Variants in ASIC2 observed in about 807,000 individuals in gnomAD.
ASIC2 encodes acid-sensing ion channel 2.
In ASIC2, 25 loss-of-function variants were observed where a neutral mutation model predicts 57.3. The observed-to-expected ratio is 0.44, with a 90% CI of 0.32 to 0.61. The LOEUF (loss-of-function observed/expected upper bound fraction) is 0.61. ASIC2 is among the 20% of genes least tolerant of loss of function. The probability of loss-of-function intolerance (pLI) is 0.06; values close to 1 mark genes in which losing one functional copy is unlikely to be tolerated. For missense variants in ASIC2, 641 were observed against 738.1 expected, an observed-to-expected ratio of 0.87 and a Z score of 1.52; for synonymous variants, 319 against 307.5, an observed-to-expected ratio of 1.04 and a Z score of -0.39.
At chr17:33,966,059 A>G (rs1279766567) in intron 1 of ASIC2, among the ~76,000 whole-genome samples, 2 of 152,214 alleles carry the variant, frequency 1.3e-5, no homozygotes, top group Non-Finnish European at 2.9e-5. Context: ...GCCCCTGTAC[A>G]TGGGCTATTG....
chr17:33,333,367 T>C (rs1467276779), intron 1 of ASIC2, among the ~76,000 whole-genome samples: 1 of 152,246 alleles, frequency 6.6e-6, no homozygotes, highest in Non-Finnish European at 1.5e-5. Context: ...AGTGTTCATA[T>C]GATGATTCCA....
Position 33,521,247 on chromosome 17 carries a change from C to T in ASIC2, c.556-409180G>A, listed in dbSNP as rs577752730. Among the ~76,000 whole-genome samples the T allele has an allele frequency of 2.0e-4, 30 of 152,158 alleles. 1 individual carries two copies. The highest frequency in any genetic ancestry group is 1.8e-3 in the Admixed American group (27 of 15,276). On this transcript the variant is annotated intron_variant, in intron 1 of 9. Transcript: ENST00000359872. ...GTAAGCAGGGGCTCAACACTGTCGT[C>T]GGCCAAGGGGTATCTTTTGAAGGAT...
chr17:34,020,045 C>G (rs1567790128), intron 1 of ASIC2, among the ~76,000 whole-genome samples: 1 of 152,202 alleles, frequency 6.6e-6, no homozygotes, highest in Non-Finnish European at 1.5e-5. Context: ...CCAAAGGAAG[C>G]CCCAAAGTGA....
intron 1 of ASIC2, among the ~76,000 whole-genome samples, chr17:33,536,427 C>T (rs189961128): frequency 1.4e-4 from 22 of 152,302 alleles, no homozygotes; most frequent in Middle Eastern, 6.8e-3. Flanking sequence ...AAGTTTTAGG[C>T]GGCCCATGGT....
intron 1 of ASIC2, among the ~76,000 whole-genome samples, chr17:33,480,400 G>C (rs535845549): frequency 3.2e-4 from 49 of 152,182 alleles, no homozygotes; most frequent in Non-Finnish European, 4.9e-4. Context: ...GGACAGGAAG[G>C]AGCCACACAA....
rs967221080 is a variant in ASIC2 at position 34,119,801 on chromosome 17, T to C, written c.555+36177A>G. 7.2e-5 allele frequency among the ~76,000 whole-genome samples: 11 copies of C among 152,224 alleles called. 1 individual carries two copies. Among genetic ancestry groups the C allele is most frequent in the African/African-American group, 1.9e-4 (8 of 41,454 alleles). The stretch of plus-strand genomic sequence containing the variant: ...CAGCCACAATTCCCGTCTGTTATGA[T>C]TGTAAACTCTGAGGATGGGATTTGT... On this transcript the variant is annotated intron_variant, in intron 1 of 9. Transcript: ENST00000359872.
intron 3 of ASIC2, among the ~76,000 whole-genome samples, chr17:33,061,591 G>A (rs1229474743): frequency 1.3e-5 from 2 of 152,070 alleles, no homozygotes; most frequent in African/African-American, 2.4e-5. Context: ...TTTTTGCATC[G>A]ATGTTCATCA....
chr17:33,433,156 C>T (rs1166927227), intron 1 of ASIC2, among the ~76,000 whole-genome samples: 11 of 152,062 alleles, frequency 7.2e-5, no homozygotes. Context: ...AACCTAAATG[C>T]CCATCAATAG....
At chr17:33,191,141 G>C (rs190179573) in intron 1 of ASIC2, among the ~76,000 whole-genome samples, 1 of 152,146 alleles carries the variant, frequency 6.6e-6, no homozygotes, top group African/African-American at 2.4e-5. Context: ...ATATGTCTCA[G>C]CAATAAAAAG....
chr17:33,335,451 AAGC>A (rs1170769335), intron 1 of ASIC2, among the ~76,000 whole-genome samples: 9 of 152,232 alleles, frequency 5.9e-5, no homozygotes, highest in African/African-American at 2.2e-4. Context: ...TAGATCATCT[AAGC>A]AGCACAGGGA....
intron 1 of ASIC2, among the ~76,000 whole-genome samples, chr17:33,726,436 C>T (rs1909562913): frequency 1.3e-5 from 2 of 152,172 alleles, no homozygotes. Context: ...GTTTGTGTTT[C>T]CTTGCATGTT....
chr17:33,249,794 C>T (rs759551391), intron 1 of ASIC2, among the ~76,000 whole-genome samples: 1 of 152,086 alleles, frequency 6.6e-6, no homozygotes, highest in Admixed American at 6.5e-5. Context: ...AAAGGCAGGG[C>T]GGGTGGGGAA....
intron 1 of ASIC2, among the ~76,000 whole-genome samples, chr17:33,969,713 C>G (rs73276658): frequency 0.025 from 3,837 of 152,212 alleles, 128 homozygotes; most frequent in African/African-American, 0.068. Flanking sequence ...GAGGGCCATT[C>G]CTGGGGGCAG....
At position 33,190,006 on chromosome 17, in the gene ASIC2, T is replaced by C. The variant is rs144703581; in HGVS notation, c.709-77939A>G. Among the ~76,000 whole-genome samples, 5 of 152,220 alleles carry C rather than the reference T, an allele frequency of 3.3e-5. No individual in the cohort carries two copies. In the East Asian group the frequency reaches 9.7e-4, roughly 29 times the overall value. On this transcript the variant is annotated intron_variant, in intron 1 of 9. Coordinates refer to ENST00000225823, the MANE Select transcript of ASIC2 (RefSeq NM_183377.2). ...ACAAAGTGTCTGCTCTCACCACATG[T>C]ATTCAGCATTGTAGCAAAGGTCCTA...
intron 3 of ASIC2, among the ~76,000 whole-genome samples, chr17:33,032,754 T>C (rs1417742090): frequency 6.6e-6 from 1 of 152,206 alleles, no homozygotes; most frequent in South Asian, 2.1e-4. Flanking sequence ...GGTCACACTG[T>C]TAATATTATT....
At chr17:33,130,507 A>C (rs962185651) in intron 1 of ASIC2, among the ~76,000 whole-genome samples, 1 of 152,220 alleles carries the variant, frequency 6.6e-6, no homozygotes, top group Non-Finnish European at 1.5e-5. Flanking sequence ...AACAATTTTG[A>C]TTGTCAGTTG....
chr17:34,118,186 T>C (rs1911484752), intron 1 of ASIC2, among the ~76,000 whole-genome samples: 1 of 152,200 alleles, frequency 6.6e-6, no homozygotes, highest in Admixed American at 6.5e-5. Flanking sequence ...TTACTTAATT[T>C]TTCTAAGCCT....
Position 34,156,239 on chromosome 17 carries a change from C to T in ASIC2, c.294G>A (p.Arg98=), listed in dbSNP as rs765384536. ...GGTCATTGGTGGTGAGCCTGGAGAACCGGAAGCCATTCAGGTTACAGAGGG... is the reference window on the plus strand; with the variant it reads ...GGTCATTGGTGGTGAGCCTGGAGAATCGGAAGCCATTCAGGTTACAGAGGG... The change falls in exon 1 of 10, where the codon CGG becomes CGA. Residue 98 remains arginine (R), a synonymous_variant. Transcript: ENST00000359872. The surrounding 1 kb of genome is among the most constrained non-coding windows in gnomAD (Gnocchi z 4.4). 4 of 1,614,140 alleles carry T rather than the reference C, an allele frequency of 2.5e-6. No homozygotes were observed. The highest frequency in any genetic ancestry group is 1.7e-6 in the Non-Finnish European group (2 of 1,180,012).
intron 1 of ASIC2, among the ~76,000 whole-genome samples, chr17:33,991,455 G>A (rs1905997455): frequency 6.6e-6 from 1 of 152,102 alleles, no homozygotes; most frequent in Non-Finnish European, 1.5e-5. Context: ...CCTGCCACCG[G>A]CTACATGTGC....
Sources: allele counts gnomAD v4.1 joint callset (sites outside exome capture counted in the v4.1 genomes callset), GRCh38; gene constraint gnomAD v4.1.1; non-coding constraint Gnocchi (gnomAD v3.1); transcripts MANE v1.5; gene names NCBI Gene and HGNC (gene_info 2026-07-23, HGNC 2026-07-21).